Variants in LRP6 observed in about 807,000 individuals in gnomAD.
LRP6 encodes low-density lipoprotein receptor-related protein 6.
A neutral mutation model predicts 184.1 loss-of-function variants in LRP6; 43 were observed. The ratio of observed to expected loss-of-function variants is 0.23; its 90% CI spans 0.18 to 0.30. The LOEUF is 0.30. Among genes scored for constraint, LRP6 ranks in the 10% least tolerant of loss-of-function variants. The pLI, the probability that LRP6 is intolerant of heterozygous loss-of-function variation, is 1.00. For synonymous variants in LRP6, 719 were observed against 684.9 expected (o/e 1.05, Z -0.78); for missense variants, 1,571 against 2,005.3 (o/e 0.78, Z 4.14).
intron 2 of LRP6, among the ~76,000 whole-genome samples, chr12:12,230,183 T>C (rs1864745815): frequency 6.6e-6 from 1 of 152,230 alleles, no homozygotes; most frequent in Non-Finnish European, 1.5e-5. Flanking sequence ...GTTTTCAAGA[T>C]GTCACAATTT....
intron 1 of LRP6, among the ~76,000 whole-genome samples, chr12:12,262,316 T>C (rs1005679836): frequency 6.6e-6 from 1 of 151,878 alleles, no homozygotes; most frequent in African/African-American, 2.4e-5. Flanking sequence ...GAGGGAGAGG[T>C]TGCAGTGAGC....
At chr12:12,264,481 C>T (rs1215014107) in intron 1 of LRP6, among the ~76,000 whole-genome samples, 1 of 152,146 alleles carries the variant, frequency 6.6e-6, no homozygotes, top group African/African-American at 2.4e-5. Context: ...GGACACAGCA[C>T]TAACAGTATT....
chr12:12,174,410 C>T (rs1159559579), intron 7 of LRP6, among the ~76,000 whole-genome samples: 2 of 152,154 alleles, frequency 1.3e-5, no homozygotes, highest in Non-Finnish European at 2.9e-5. Flanking sequence ...CGTGCCCAGC[C>T]TCAAACTGAA....
At chr12:12,193,256 T>C (rs1456211633) in intron 3 of LRP6, among the ~76,000 whole-genome samples, 4 of 151,678 alleles carry the variant, frequency 2.6e-5, no homozygotes, top group Non-Finnish European at 5.9e-5. Context: ...CTAATGCCTA[T>C]ACTAGAAAAG....
intron 1 of LRP6, among the ~76,000 whole-genome samples, chr12:12,247,727 T>C (rs1865223454): frequency 1.3e-5 from 2 of 152,196 alleles, no homozygotes; most frequent in Non-Finnish European, 1.5e-5. Context: ...ATTTGTAACA[T>C]TGTTTTTATC....
At chr12:12,200,083 A>C (rs1863876083) in intron 3 of LRP6, among the ~76,000 whole-genome samples, 1 of 151,714 alleles carries the variant, frequency 6.6e-6, no homozygotes, top group South Asian at 2.1e-4. Flanking sequence ...AACCTTGGAC[A>C]TGAGTGCATG....
intron 1 of LRP6, among the ~76,000 whole-genome samples, chr12:12,251,079 C>T (rs1349745576): frequency 6.6e-6 from 1 of 151,886 alleles, no homozygotes; most frequent in East Asian, 1.9e-4. Context: ...TACAGGCGCT[C>T]GCCACCACAC....
At chr12:12,221,618 A>C (rs1057407463) in intron 2 of LRP6, among the ~76,000 whole-genome samples, 1 of 152,186 alleles carries the variant, frequency 6.6e-6, no homozygotes, top group African/African-American at 2.4e-5. Context: ...CGAACTCAGG[A>C]ATCAATATTT....
chr12:12,135,669 T>C (rs1949828438), intron 16 of LRP6, among the ~76,000 whole-genome samples: 2 of 151,460 alleles, frequency 1.3e-5, no homozygotes, highest in African/African-American at 4.8e-5. Context: ...AATTTTTCCG[T>C]TTTTAGTAAA....
intron 16 of LRP6, among the ~76,000 whole-genome samples, chr12:12,135,982 C>T (rs1949833723): frequency 6.6e-6 from 1 of 151,866 alleles, no homozygotes; most frequent in South Asian, 2.1e-4. Context: ...CTCAGGAGTT[C>T]AAGACCAGCC....
intron 2 of LRP6, among the ~76,000 whole-genome samples, chr12:12,204,755 A>G (rs905312198): frequency 1.3e-5 from 2 of 151,366 alleles, no homozygotes; most frequent in African/African-American, 4.9e-5. Flanking sequence ...CAGGAGTTCA[A>G]GACCAGCCTG....
At chr12:12,177,338 T>C (rs528282101) in intron 7 of LRP6, among the ~76,000 whole-genome samples, 2 of 152,204 alleles carry the variant, frequency 1.3e-5, no homozygotes, top group East Asian at 1.9e-4. Context: ...CTGGAATCAG[T>C]TGCCACTAAC....
Position 12,147,399 on chromosome 12 carries a change from C to G in LRP6, c.3364G>C (p.Asp1122His), listed in dbSNP as rs775109095. The change falls in exon 15 of 23, where the codon GAT becomes CAT. Residue 1122 changes from aspartate to histidine, a missense_variant. Asp to His is a moderately conservative substitution (Grantham distance 81). Coordinates refer to ENST00000261349, the MANE Select transcript of LRP6 (RefSeq NM_002336.3). ...TCACTGCTTTCAATTCGCCGGAGAT[C>G]TGAATCAGCCCAAAAGAGCTTGCCC... Reference protein sequence around the residue: ...RLGKLFWADSDLRRIESSDLS... With the variant: ...RLGKLFWADSHLRRIESSDLS... The G allele has an allele frequency of 6.2e-7, 1 of 1,614,166 alleles. No individual in the cohort carries two copies. Among genetic ancestry groups the G allele is most frequent in the Admixed American group, 1.7e-5 (1 of 60,020 alleles).
chr12:12,234,604 G>A (rs952121962), intron 2 of LRP6, among the ~76,000 whole-genome samples: 1 of 152,118 alleles, frequency 6.6e-6, no homozygotes, highest in Admixed American at 6.5e-5. Context: ...AGGCTGAGGT[G>A]GGTGAATCAC....
Position 12,121,915 on chromosome 12 carries a change from G to A in LRP6, c.4548-495C>T, listed in dbSNP as rs576130743. 7.2e-4 allele frequency among the ~76,000 whole-genome samples: 110 copies of A among 152,132 alleles called. No individual in the cohort carries two copies. The South Asian group carries it at 7.9e-3, about 11-fold the overall frequency. On this transcript the variant is annotated intron_variant, in intron 22 of 22. Coordinates refer to ENST00000261349, the MANE Select transcript of LRP6 (RefSeq NM_002336.3). ...TTCTGTACAATTCTGTACAATTTCT[G>A]TACAGTCCAGGCTGGATTTTGGTAG...
At chr12:12,193,001 G>A (rs1320809683) in intron 3 of LRP6, among the ~76,000 whole-genome samples, 4 of 151,866 alleles carry the variant, frequency 2.6e-5, no homozygotes, top group Non-Finnish European at 4.4e-5. Flanking sequence ...TTAAAAGACT[G>A]AACTCATATA....
At chr12:12,154,783 AT>A (rs755680325) in intron 12 of LRP6, among the ~76,000 whole-genome samples, 1 of 152,232 alleles carries the variant, frequency 6.6e-6, no homozygotes, top group Non-Finnish European at 1.5e-5. Context: ...AGAAAATAAA[AT>A]TTGAGACGAG....
chr12:12,224,962 T>C lies in LRP6; in HGVS notation c.449+19300A>G, dbSNP rs138989410. On this transcript the variant is annotated intron_variant, in intron 2 of 22. Transcript: ENST00000261349. ...GCTCACACCTGTAATCCCAGCACTT[T>C]AGGAGGCCCAGGCAGGCGGATCACC... Among the ~76,000 whole-genome samples the C allele has an allele frequency of 5.7e-3, 866 of 152,272 alleles. 10 individuals are homozygous for C. Among genetic ancestry groups the C allele is most frequent in the African/African-American group, 0.019 (807 of 41,562 alleles).
chr12:12,264,020 T>C (rs904218475), intron 1 of LRP6, among the ~76,000 whole-genome samples: 1 of 151,820 alleles, frequency 6.6e-6, no homozygotes, highest in African/African-American at 2.4e-5. Context: ...CACGTGCCTA[T>C]AGTTCAGAGC....
Sources: allele counts gnomAD v4.1 joint callset (sites outside exome capture counted in the v4.1 genomes callset), GRCh38; gene constraint gnomAD v4.1.1; transcripts MANE v1.5; gene names NCBI Gene and HGNC (gene_info 2026-07-23, HGNC 2026-07-21).